The following NEDD4 variants were observed in gnomAD, a reference collection of about 807,000 sequenced individuals.
NEDD4 encodes NEDD4 E3 ubiquitin protein ligase.
Under a neutral mutation model 144.9 loss-of-function variants are expected in NEDD4, and 99 were observed. The ratio of observed to expected loss-of-function variants is 0.68; its 90% CI spans 0.58 to 0.81. NEDD4 has a LOEUF of 0.81. Among genes scored for constraint, NEDD4 ranks in the 30% least tolerant of loss-of-function variants. The pLI is 0.00. For missense variants in NEDD4, 985 were observed against 1,065.9 expected (o/e 0.92, Z 1.06); for synonymous variants, 318 against 350.6 (o/e 0.91, Z 1.04).
intron 5 of NEDD4, among the ~76,000 whole-genome samples, chr15:55,923,113 G>C (rs2036599714): frequency 6.6e-6 from 1 of 152,102 alleles, no homozygotes; most frequent in Admixed American, 6.5e-5. Context: ...GAACCTGGGA[G>C]GCAGAGGTTG....
At chr15:55,845,789 T>C (rs1392375199) in intron 18 of NEDD4, among the ~76,000 whole-genome samples, 2 of 85,598 alleles carry the variant, frequency 2.3e-5, no homozygotes, top group African/African-American at 3.7e-5. Context: ...TATTCTTTTT[T>C]TCTTTTTTCT....
chr15:55,924,442 G>A (rs2036625124), intron 5 of NEDD4: 2 of 542,552 alleles, frequency 3.7e-6, no homozygotes, highest in African/African-American at 3.8e-5. Context: ...GCAATCAGAA[G>A]AGGTGCTTGG....
At chr15:55,880,027 T>C (rs2035127442) in intron 5 of NEDD4, among the ~76,000 whole-genome samples, 1 of 152,154 alleles carries the variant, frequency 6.6e-6, no homozygotes, top group South Asian at 2.1e-4. Flanking sequence ...TGGTGTCTCA[T>C]GCCTGTAATC....
chr15:55,916,664 AGTCT>A (rs767276601), intron 5 of NEDD4: 98 of 1,613,916 alleles, frequency 6.1e-5, no homozygotes, highest in Non-Finnish European at 7.9e-5. Context: ...GAGCTAGTGC[AGTCT>A]GTCTGGGAGT....
At chr15:55,967,440 C>CTGTGTGTGTGTGTG (rs200788423) in intron 1 of NEDD4, among the ~76,000 whole-genome samples, 14 of 142,358 alleles carry the variant, frequency 9.8e-5, no homozygotes, top group Admixed American at 2.2e-4. Flanking sequence ...CATAACTATG[C>CTGTGTGTGTGTGTG]TGTGTGTGTG....
intron 11 of NEDD4, among the ~76,000 whole-genome samples, chr15:55,859,112 A>G (rs978163202): frequency 2.0e-5 from 3 of 152,246 alleles, no homozygotes; most frequent in Non-Finnish European, 4.4e-5. Flanking sequence ...CTCTCATTAA[A>G]TATTTACTAA....
chr15:55,886,026 C>T (rs924875685), intron 5 of NEDD4, among the ~76,000 whole-genome samples: 30 of 151,360 alleles, frequency 2.0e-4, no homozygotes, highest in African/African-American at 6.6e-4. Flanking sequence ...TTCATTAAAA[C>T]GGAAATCAAA....
chr15:55,910,816 A>T (rs2036247977), intron 5 of NEDD4, among the ~76,000 whole-genome samples: 1 of 152,200 alleles, frequency 6.6e-6, no homozygotes, highest in Non-Finnish European at 1.5e-5. Context: ...CTGTTAACCC[A>T]GTCATCCAAG....
chr15:55,989,377 A>C (rs1326027533), intron 1 of NEDD4, among the ~76,000 whole-genome samples: 1 of 152,236 alleles, frequency 6.6e-6, no homozygotes, highest in Admixed American at 6.5e-5. Flanking sequence ...GGCAAAAACA[A>C]TACATGAAAG....
intron 5 of NEDD4, among the ~76,000 whole-genome samples, chr15:55,883,477 G>A (rs1473561321): frequency 6.6e-6 from 1 of 152,092 alleles, no homozygotes; most frequent in Admixed American, 6.5e-5. Flanking sequence ...TGAAGAGAAG[G>A]TCACAAGCCT....
At chr15:55,952,088 G>GGAGGCC (rs1302603003) in intron 2 of NEDD4, among the ~76,000 whole-genome samples, 4 of 151,856 alleles carry the variant, frequency 2.6e-5, no homozygotes, top group Admixed American at 2.6e-4. Context: ...CAGTACTTTG[G>GGAGGCC]GAGGCCGAGG....
intron 5 of NEDD4, among the ~76,000 whole-genome samples, chr15:55,883,796 G>C (rs2142098340): frequency 6.6e-6 from 1 of 152,044 alleles, no homozygotes; most frequent in East Asian, 1.9e-4. Context: ...TTGTCTGGGA[G>C]AAAGTAAGGG....
intron 4 of NEDD4, among the ~76,000 whole-genome samples, chr15:55,935,745 G>T (rs2036875685): frequency 6.6e-6 from 1 of 151,302 alleles, no homozygotes; most frequent in Admixed American, 6.6e-5. Flanking sequence ...TACTCGGGAG[G>T]CTGCGGCAGG....
chr15:55,981,167 T>C (rs1352735551), intron 1 of NEDD4, among the ~76,000 whole-genome samples: 1 of 151,916 alleles, frequency 6.6e-6, no homozygotes, highest in East Asian at 1.9e-4. Context: ...CTCAGCCTCC[T>C]GAGTAGCTGA....
chr15:55,919,790 A>G (rs1162730508), intron 5 of NEDD4, among the ~76,000 whole-genome samples: 2 of 152,184 alleles, frequency 1.3e-5, no homozygotes, highest in Non-Finnish European at 2.9e-5. Context: ...ATGGAAAATA[A>G]TGTGATTATC....
In NEDD4 at chr15:55,871,677, T is replaced by A. The variant is rs573815322; in HGVS notation, c.404+738A>T. On this transcript the variant is annotated intron_variant, in intron 7 of 28. Coordinates refer to ENST00000435532, the MANE Select transcript of NEDD4 (RefSeq NM_006154.4). ...AATATTTACATTACAAACAGTAATT[T>A]AAAAAATCATTTTTAAGTGAAAAAT... Among the ~76,000 whole-genome samples the A allele has an allele frequency of 1.3e-3, 191 of 152,282 alleles. 1 individual carries two copies. Among genetic ancestry groups the A allele is most frequent in the African/African-American group, 4.5e-3 (188 of 41,572 alleles).
rs2033025921 is a variant in NEDD4 at position 55,832,988 on chromosome 15, G to C, written c.2527+20C>G. The C allele has an allele frequency of 1.3e-6, 2 of 1,534,524 alleles. No individual in the cohort carries two copies. The highest frequency in any genetic ancestry group is 1.4e-5 in the African/African-American group (1 of 72,658). ...ATACGCATTATTCCATTTTTTTAAT[G>C]ATCTATGGAAAATCCTTACCGTATA... On this transcript the variant is annotated intron_variant, in intron 27 of 28. Coordinates refer to ENST00000435532, the MANE Select transcript of NEDD4 (RefSeq NM_006154.4).
intron 1 of NEDD4, among the ~76,000 whole-genome samples, chr15:55,971,624 C>CAAAA (rs59537454): frequency 1.6e-5 from 2 of 124,648 alleles, no homozygotes; most frequent in East Asian, 2.3e-4. Context: ...GACTCTGTCT[C>CAAAA]AAAAAAAAAA....
chr15:55,917,167 A>G (rs376979917), intron 5 of NEDD4: 1 of 1,056,390 alleles, frequency 9.5e-7, no homozygotes, highest in East Asian at 7.0e-5. Flanking sequence ...TGTTTCAATT[A>G]TACCTTCTCC....
Sources: allele counts gnomAD v4.1 joint callset (sites outside exome capture counted in the v4.1 genomes callset), GRCh38; gene constraint gnomAD v4.1.1; transcripts MANE v1.5; gene names NCBI Gene and HGNC (gene_info 2026-07-23, HGNC 2026-07-21).